The following JPH3 variants were observed in gnomAD, a reference collection of about 807,000 sequenced individuals.
JPH3 encodes the protein junctophilin 3.
A neutral mutation model predicts 59.6 loss-of-function variants in JPH3; 11 were observed. That is an observed-to-expected ratio of 0.18 (90% CI 0.12 to 0.31). The LOEUF (loss-of-function observed/expected upper bound fraction) is 0.31. Ranked by LOEUF, JPH3 falls within the 10% of genes least tolerant of loss-of-function variation. The pLI, the probability that JPH3 is intolerant of heterozygous loss-of-function variation, is 1.00. For synonymous variants in JPH3, 673 were observed against 483.6 expected, an observed-to-expected ratio of 1.39 and a Z score of -5.14; for missense variants, 1,202 against 1,105.7, an observed-to-expected ratio of 1.09 and a Z score of -1.24.
In JPH3 at chr16:87,631,945, C is replaced by T. The variant is rs77908298; in HGVS notation, c.383-12313C>T. 3.3e-5 allele frequency among the ~76,000 whole-genome samples: 5 copies of T among 152,054 alleles called. 1 individual carries two copies. Among genetic ancestry groups the T allele is most frequent in the East Asian group, 1.9e-4 (1 of 5,198 alleles). ...TCTGAGGATTTAAATTCTGGTCCCT[C>T]GATGTCTTCTCCCACCTGCTGCATT... On this transcript the variant is annotated intron_variant, in intron 1 of 4. Coordinates refer to ENST00000284262, the MANE Select transcript of JPH3 (RefSeq NM_020655.4).
chr16:87,661,988 A>G (rs2032719322), intron 2 of JPH3, among the ~76,000 whole-genome samples: 1 of 152,224 alleles, frequency 6.6e-6, no homozygotes, highest in South Asian at 2.1e-4. Context: ...CCTGTTATTT[A>G]GTATGTTAAT....
chr16:87,620,579 A>G (rs565576817), intron 1 of JPH3, among the ~76,000 whole-genome samples: 1 of 146,664 alleles, frequency 6.8e-6, no homozygotes, highest in Admixed American at 6.8e-5. Flanking sequence ...CAGTCCTGCC[A>G]TGGGGGGGAC....
At position 87,682,013 on chromosome 16, in the gene JPH3, G is replaced by A. The variant is rs190555805; in HGVS notation, c.1161-2129G>A. ...GGCGGGGGGTCATGCAGAAAACTTTGAGTACAGTTTCAGGAGATGCACGGA... is the reference window on the plus strand; with the variant it reads ...GGCGGGGGGTCATGCAGAAAACTTTAAGTACAGTTTCAGGAGATGCACGGA... On this transcript the variant is annotated intron_variant, in intron 2 of 4. Transcript: ENST00000284262. Among the ~76,000 whole-genome samples, 462 of 152,140 alleles carry A rather than the reference G, an allele frequency of 3.0e-3. 3 individuals carry two copies. Among genetic ancestry groups the A allele is most frequent in the African/African-American group, 0.01 (429 of 41,500 alleles).
chr16:87,647,724 A>G (rs1597260141), intron 2 of JPH3, among the ~76,000 whole-genome samples: 1 of 151,968 alleles, frequency 6.6e-6, no homozygotes, highest in Non-Finnish European at 1.5e-5. Context: ...CGGCCTCCTC[A>G]CCGCTGTGCA....
At chr16:87,676,871 A>G (rs2033153515) in intron 2 of JPH3, among the ~76,000 whole-genome samples, 1 of 151,512 alleles carries the variant, frequency 6.6e-6, no homozygotes, top group African/African-American at 2.4e-5. Flanking sequence ...CCCCGTCTCT[A>G]CTAAAAATAC....
chr16:87,619,277 C>T (rs1464736538), intron 1 of JPH3, among the ~76,000 whole-genome samples: 4 of 147,800 alleles, frequency 2.7e-5, no homozygotes, highest in Non-Finnish European at 5.9e-5. Context: ...CACGCCACTG[C>T]ATTCCAGCCT....
chr16:87,645,358 C>T (rs772713885), intron 2 of JPH3, among the ~76,000 whole-genome samples: 7 of 152,312 alleles, frequency 4.6e-5, no homozygotes, highest in East Asian at 3.9e-4. Flanking sequence ...TGGTCTGTTC[C>T]GTTAGTACAA....
chr16:87,616,848 G>A (rs1180828469), intron 1 of JPH3, among the ~76,000 whole-genome samples: 2 of 152,180 alleles, frequency 1.3e-5, no homozygotes, highest in Non-Finnish European at 2.9e-5. Flanking sequence ...TCTGTAAACG[G>A]AAAAGTACAG....
intron 1 of JPH3, among the ~76,000 whole-genome samples, chr16:87,630,254 G>A (rs1342926306): frequency 6.6e-6 from 1 of 152,238 alleles, no homozygotes; most frequent in African/African-American, 2.4e-5. Context: ...GCCAGCTGCT[G>A]TTCTTGGCAC....
chr16:87,652,862 C>T (rs181692980), intron 2 of JPH3, among the ~76,000 whole-genome samples: 101 of 152,342 alleles, frequency 6.6e-4, no homozygotes, highest in Middle Eastern at 3.4e-3. Flanking sequence ...GTGACAAGTC[C>T]TGGGCACCTC....
intron 2 of JPH3, among the ~76,000 whole-genome samples, chr16:87,645,561 AT>A (rs112486245): frequency 6.6e-6 from 1 of 152,202 alleles, no homozygotes; most frequent in African/African-American, 2.4e-5. Flanking sequence ...CAAGGGGCTC[AT>A]GCAGGCCTGG....
chr16:87,637,479 A>G (rs539538556), intron 1 of JPH3, among the ~76,000 whole-genome samples: 14 of 149,888 alleles, frequency 9.3e-5, no homozygotes, highest in Non-Finnish European at 1.5e-5. Context: ...GTCTGTTCTC[A>G]TTTTGCGCCG....
At chr16:87,607,087 C>T (rs971725673) in intron 1 of JPH3, among the ~76,000 whole-genome samples, 5 of 152,176 alleles carry the variant, frequency 3.3e-5, no homozygotes, top group Non-Finnish European at 2.9e-5. Flanking sequence ...CTGTTCTTTC[C>T]TCTCGTTTAT....
chr16:87,644,378 G>T lies in JPH3; in HGVS notation c.503G>T (p.Arg168Leu), dbSNP rs375871748. 1.2e-6 allele frequency: 2 copies of T among 1,612,862 alleles called. No homozygotes were observed. The highest frequency in any genetic ancestry group is 8.5e-7 in the Non-Finnish European group (1 of 1,179,878). Residue 168 changes from arginine (R) to leucine (L), a missense_variant, in exon 2 of 5, where the codon CGC becomes CTC. Arg to Leu is a moderately radical substitution (Grantham distance 102). Coordinates refer to ENST00000284262, the MANE Select transcript of JPH3 (RefSeq NM_020655.4). ...SPLRTSINSL[R>L]SEHTNGTALH... ...CTGAGGACGTCCATCAACTCCCTGC[G>T]CAGCGAGCACACCAACGGCACGGCG... is the stretch of plus-strand genomic sequence containing the variant.
chr16:87,665,584 C>T (rs1392424720), intron 2 of JPH3, among the ~76,000 whole-genome samples: 2 of 152,196 alleles, frequency 1.3e-5, no homozygotes, highest in Admixed American at 1.3e-4. Context: ...AGAGGCGTGG[C>T]GCTCCCAGCC....
At chr16:87,650,999 G>C (rs1054513861) in intron 2 of JPH3, among the ~76,000 whole-genome samples, 3 of 152,230 alleles carry the variant, frequency 2.0e-5, no homozygotes, top group Admixed American at 1.3e-4. Flanking sequence ...AGAAGCTAAT[G>C]GCTGGATTTG....
chr16:87,661,028 C>T (rs951453755), intron 2 of JPH3, among the ~76,000 whole-genome samples: 6 of 152,202 alleles, frequency 3.9e-5, no homozygotes, highest in African/African-American at 9.7e-5. Context: ...AATGAGATAT[C>T]GTGAGGATGG....
intron 2 of JPH3, among the ~76,000 whole-genome samples, chr16:87,680,370 G>A (rs928380883): frequency 1.3e-5 from 2 of 152,114 alleles, no homozygotes; most frequent in Admixed American, 6.5e-5. Context: ...GGAAGGAAGC[G>A]GTGTGGACCC....
At chr16:87,659,951 C>T (rs1368941215) in intron 2 of JPH3, among the ~76,000 whole-genome samples, 2 of 152,154 alleles carry the variant, frequency 1.3e-5, no homozygotes, top group Admixed American at 6.5e-5. Context: ...TAGCATGGCC[C>T]TGCTCCGTCC....
Sources: allele counts gnomAD v4.1 joint callset (sites outside exome capture counted in the v4.1 genomes callset), GRCh38; gene constraint gnomAD v4.1.1; transcripts MANE v1.5; gene names NCBI Gene and HGNC (gene_info 2026-07-23, HGNC 2026-07-21).